MYO3B: variants seen among roughly 807,000 people sequenced by gnomAD.
The protein encoded by MYO3B is myosin IIIB.
MYO3B carries 156 observed loss-of-function variants against 174.6 expected under a neutral mutation model. The observed-to-expected ratio is 0.89, with a 90% CI of 0.78 to 1.02. The LOEUF is 1.02. Ranked by LOEUF, MYO3B falls within the 50% of genes least tolerant of loss-of-function variation. The pLI is 0.00. For missense variants in MYO3B, 1,632 were observed against 1,639.4 expected (o/e 1.00, Z 0.08); for synonymous variants, 563 against 569.1 (o/e 0.99, Z 0.15).
chr2:170,466,469 G>T (rs1206661915), intron 24 of MYO3B, 37 bp from the exon 25 acceptor site: 1 of 1,597,968 alleles, frequency 6.3e-7, no homozygotes. Flanking sequence ...TTGTGTTGGT[G>T]GTAACCTTGT....
chr2:170,457,758 C>T (rs1683991121), intron 23 of MYO3B, among the ~76,000 whole-genome samples: 2 of 152,224 alleles, frequency 1.3e-5, no homozygotes, highest in African/African-American at 4.8e-5. Context: ...AAAATAATTA[C>T]TTTTTTGTTT....
chr2:170,591,420 G>A (rs192373339), intron 32 of MYO3B, among the ~76,000 whole-genome samples: 1 of 152,258 alleles, frequency 6.6e-6, no homozygotes, highest in Admixed American at 6.5e-5. Context: ...AGAGATGTCA[G>A]GGTTGTAAAC....
chr2:170,547,507 T>G (rs1690598760), intron 32 of MYO3B, among the ~76,000 whole-genome samples: 1 of 152,332 alleles, frequency 6.6e-6, no homozygotes, highest in Non-Finnish European at 1.5e-5. Context: ...TCATCTGGTT[T>G]TACTAATGCA....
intron 32 of MYO3B, among the ~76,000 whole-genome samples, chr2:170,594,827 GCACACACA>G (rs3047151): frequency 8.8e-4 from 119 of 135,186 alleles, no homozygotes; most frequent in Non-Finnish European, 1.6e-3. Context: ...CCCAGCGCGC[GCACACACA>G]CACACACACA....
chr2:170,571,260 G>A lies in MYO3B; in HGVS notation c.3733+27272G>A, dbSNP rs144082541. 1.3e-3 allele frequency among the ~76,000 whole-genome samples: 198 copies of A among 152,300 alleles called. 1 individual carries two copies. Among genetic ancestry groups the A allele is most frequent in the African/African-American group, 4.1e-3 (172 of 41,560 alleles). On this transcript the variant is annotated intron_variant, in intron 32 of 34. Coordinates refer to ENST00000408978, the MANE Select transcript of MYO3B (RefSeq NM_138995.5). ...AATGATTCTGTACCTGCCCTCAGGT[G>A]GGTAATATTATTATGTTGTTATGTA...
chr2:170,392,349 C>A, intron 15 of MYO3B, 32 bp from the exon 16 acceptor site: 1 of 1,471,962 alleles, frequency 6.8e-7, no homozygotes, highest in South Asian at 1.3e-5. Flanking sequence ...AGTCAGTGCT[C>A]ATTCTGTTTG....
intron 25 of MYO3B, among the ~76,000 whole-genome samples, chr2:170,471,932 G>A (rs1392355093): frequency 2.0e-5 from 3 of 151,654 alleles, no homozygotes; most frequent in African/African-American, 7.3e-5. Context: ...CAGAGGTTGT[G>A]GTGAGCCGAG....
chr2:170,272,008 T>A (rs1247484952), intron 7 of MYO3B, among the ~76,000 whole-genome samples: 2 of 152,064 alleles, frequency 1.3e-5, no homozygotes, highest in Non-Finnish European at 2.9e-5. Flanking sequence ...TGAGGGACTG[T>A]TATATTTCTA....
At chr2:170,364,185 A>G (rs190336812) in intron 8 of MYO3B, among the ~76,000 whole-genome samples, 6 of 152,290 alleles carry the variant, frequency 3.9e-5, no homozygotes, top group Admixed American at 1.3e-4. Flanking sequence ...AATTGCTTAC[A>G]ACAGAACTTC....
intron 8 of MYO3B, among the ~76,000 whole-genome samples, chr2:170,342,949 C>T (rs1461795341): frequency 6.6e-6 from 1 of 151,902 alleles, no homozygotes; most frequent in Non-Finnish European, 1.5e-5. Flanking sequence ...TCTTCTTTGA[C>T]ACCAATGTGC....
chr2:170,412,090 G>A (rs1220084994), intron 22 of MYO3B: 1 of 152,140 alleles, frequency 6.6e-6, no homozygotes. Flanking sequence ...CTAACCCTTC[G>A]GCTGAGACTT....
At chr2:170,461,775 TAAAAAAA>T in intron 23 of MYO3B, among the ~76,000 whole-genome samples, 1 of 144,888 alleles carries the variant, frequency 6.9e-6, no homozygotes, top group South Asian at 2.2e-4. Flanking sequence ...AAACTCCGTT[TAAAAAAA>T]AAAAAAAAAG....
intron 22 of MYO3B, among the ~76,000 whole-genome samples, chr2:170,424,833 G>A (rs1476296037): frequency 6.6e-6 from 1 of 152,104 alleles, no homozygotes; most frequent in Admixed American, 6.5e-5. Context: ...ATCCTGCTAA[G>A]TATAGAAAAC....
chr2:170,356,687 C>G (rs542718951), intron 8 of MYO3B, among the ~76,000 whole-genome samples: 91 of 152,192 alleles, frequency 6.0e-4, no homozygotes, highest in Admixed American at 9.8e-4. Context: ...TATGAAAACC[C>G]TGGAAAGCTA....
At chr2:170,551,264 G>A (rs563189421) in intron 32 of MYO3B, among the ~76,000 whole-genome samples, 4 of 151,852 alleles carry the variant, frequency 2.6e-5, no homozygotes, top group Non-Finnish European at 4.4e-5. Flanking sequence ...TAACCTGGCT[G>A]TAGTATATTC....
chr2:170,651,667 G>A lies in MYO3B; in HGVS notation c.3773G>A (p.Arg1258His), dbSNP rs748198899. 2.4e-5 allele frequency: 38 copies of A among 1,613,956 alleles called. No individual in the cohort carries two copies. The highest frequency in any genetic ancestry group is 1.5e-4 in the Admixed American group (9 of 59,982). The change falls in exon 33 of 35, where the codon CGC (arginine) becomes CAC (histidine). Residue 1258 changes from arginine to histidine, a missense_variant. Transcript: ENST00000408978. Reference sequence around the variant, plus strand: ...CTTGCACAGAAGCATCGAACACCTCGCCGACGATGTCAGCAGCCCAAAATG... The same window carrying A: ...CTTGCACAGAAGCATCGAACACCTCACCGACGATGTCAGCAGCCCAAAATG... ...NGLAQKHRTPRRRCQQPKMLS... is the reference protein window; with the variant it reads ...NGLAQKHRTPHRRCQQPKMLS...
chr2:170,377,855 T>C (rs1446153188), intron 9 of MYO3B, among the ~76,000 whole-genome samples: 1 of 152,222 alleles, frequency 6.6e-6, no homozygotes, highest in African/African-American at 2.4e-5. Context: ...TTTTTGCTGT[T>C]TATCCATTCA....
intron 14 of MYO3B, among the ~76,000 whole-genome samples, chr2:170,390,056 A>T (rs145553649): frequency 2.0e-5 from 3 of 152,306 alleles, no homozygotes; most frequent in Admixed American, 2.0e-4. Context: ...TAATATGTTT[A>T]TTCATTGAAT....
intron 28 of MYO3B, among the ~76,000 whole-genome samples, chr2:170,504,333 T>A (rs546326127): frequency 6.6e-6 from 1 of 152,242 alleles, no homozygotes; most frequent in African/African-American, 2.4e-5. Flanking sequence ...TGCTAAGATA[T>A]GTTATATATT....
Sources: gnomAD v4.1 joint callset for allele counts (sites outside exome capture counted in the v4.1 genomes callset) on GRCh38, gnomAD v4.1.1 for gene constraint, MANE v1.5 for transcripts, NCBI Gene and HGNC (gene_info 2026-07-23, HGNC 2026-07-21) for gene names.